TRAPPC12: variants seen among roughly 807,000 people sequenced by gnomAD.
TRAPPC12 encodes the protein TPR repeat protein 15.
TRAPPC12 carries 61 observed loss-of-function variants against 69.2 expected under a neutral mutation model. The ratio of observed to expected loss-of-function variants is 0.88; its 90% CI spans 0.72 to 1.09. The LOEUF is 1.09. Ranked by LOEUF, TRAPPC12 falls within the 50% of genes least tolerant of loss-of-function variation. The pLI, the probability that TRAPPC12 is intolerant of heterozygous loss-of-function variation, is 0.00. For synonymous variants in TRAPPC12, 469 were observed against 438.9 expected (o/e 1.07, Z -0.86); for missense variants, 1,101 against 1,016.4 (o/e 1.08, Z -1.13).
chr2:3,424,848 G>A (rs1202435617), intron 5 of TRAPPC12, among the ~76,000 whole-genome samples, 185 bp downstream of exon 5: 1 of 152,232 alleles, frequency 6.6e-6, no homozygotes, highest in Non-Finnish European at 1.5e-5. Flanking sequence ...ACACTGACCT[G>A]GAGGTGCTCC....
chr2:3,432,924 A>G (rs955930644), intron 5 of TRAPPC12, among the ~76,000 whole-genome samples: 9 of 152,252 alleles, frequency 5.9e-5, no homozygotes, highest in African/African-American at 2.2e-4. Context: ...GTACAGAGGC[A>G]GTGACCCAAG....
intron 5 of TRAPPC12, among the ~76,000 whole-genome samples, chr2:3,428,580 T>C (rs1357961029): frequency 6.6e-6 from 1 of 152,272 alleles, no homozygotes; most frequent in Non-Finnish European, 1.5e-5. Flanking sequence ...GTAAAAATCA[T>C]GAAGGTTTTT....
chr2:3,438,568 ACCCCTGGATTAATCCCCCCATC>A (rs1434767158), intron 5 of TRAPPC12, among the ~76,000 whole-genome samples: 1 of 32,356 alleles, frequency 3.1e-5, no homozygotes, highest in Admixed American at 4.4e-4. Context: ...ATCCCCCCTC[ACCCCTGGATTAATCCCCCCATC>A]CCCCTGGGTT....
chr2:3,454,270 G>A (rs1413683394), intron 6 of TRAPPC12, among the ~76,000 whole-genome samples: 2 of 152,008 alleles, frequency 1.3e-5, no homozygotes, highest in Non-Finnish European at 2.9e-5. Flanking sequence ...CTGGGTAGGT[G>A]GGTCTGGAGG....
At position 3,397,111 on chromosome 2, in the gene TRAPPC12, A is replaced by G. The variant is rs527396826; in HGVS notation, c.1048-4666A>G. Among the ~76,000 whole-genome samples, 26 of 152,334 alleles carry G rather than the reference A, an allele frequency of 1.7e-4. 1 individual carries two copies. The South Asian group carries it at 5.2e-3, about 30-fold the overall frequency. On this transcript the variant is annotated intron_variant, in intron 2 of 11. Transcript: ENST00000324266. The stretch of plus-strand genomic sequence containing the variant: ...TACGGGACACATGTTTTACATGTCT[A>G]GTAATTTTTTATTAGAAGGTGGACA...
chr2:3,443,668 A>G, intron 5 of TRAPPC12, 111 bp from the exon 6 acceptor site: 1 of 775,170 alleles, frequency 1.3e-6, no homozygotes, highest in South Asian at 1.4e-5. Context: ...AAATAAAGGG[A>G]TCTGTCATCA....
In TRAPPC12 at chr2:3,424,511, T is replaced by C. The variant is rs766261997; in HGVS notation, c.1279-14T>C. The C allele has an allele frequency of 1.9e-6, 3 of 1,611,754 alleles. No individual in the cohort carries two copies. Among genetic ancestry groups the C allele is most frequent in the Non-Finnish European group, 2.5e-6 (3 of 1,179,344 alleles). On this transcript the variant is annotated splice_polypyrimidine_tract_variant and intron_variant, in intron 4 of 11. Coordinates refer to ENST00000324266, the MANE Select transcript of TRAPPC12 (RefSeq NM_016030.6). ...TGTAGATAACCTATTGTTTCCATTGTATTTTGTTTTTAGCTCTGGTTTGTC... is the reference window on the plus strand; with the variant it reads ...TGTAGATAACCTATTGTTTCCATTGCATTTTGTTTTTAGCTCTGGTTTGTC...
chr2:3,388,726 T>TA, intron 2 of TRAPPC12, 56 bp downstream of exon 2: 1 of 1,438,236 alleles, frequency 7.0e-7, no homozygotes. Flanking sequence ...GTCTGTGAGA[T>TA]ACGCACAGTG....
At chr2:3,479,005 G>A (rs375197395) in intron 11 of TRAPPC12, 72 bp downstream of exon 11, 39 of 1,521,728 alleles carry the variant, frequency 2.6e-5, no homozygotes, top group Middle Eastern at 1.7e-4. Flanking sequence ...ACCCACACAC[G>A]TCTCAGCAGG....
In TRAPPC12 at chr2:3,388,463, C is replaced by T. The variant is rs753291838; in HGVS notation, c.840C>T (p.Phe280=). 3 of 1,611,818 alleles carry T rather than the reference C, an allele frequency of 1.9e-6. No individual in the cohort carries two copies. Among genetic ancestry groups the T allele is most frequent in the Non-Finnish European group, 2.5e-6 (3 of 1,179,402 alleles). The change falls in exon 2 of 12, where the codon TTC becomes TTT. Residue 280 remains phenylalanine (F), a synonymous_variant. Transcript: ENST00000324266. ...CGCCCCCGGCGTCGCCAGAGCCTTT[C>T]GCGCACATCCAGGCAGTGTTTGCAG... ...AAAPPASPEP[F]AHIQAVFAGS...
chr2:3,399,767 CT>C (rs1661322520), intron 2 of TRAPPC12, among the ~76,000 whole-genome samples: 1 of 152,170 alleles, frequency 6.6e-6, no homozygotes, highest in Admixed American at 6.5e-5. Flanking sequence ...AATAACCTTG[CT>C]TCTTAGGAGA....
At chr2:3,407,803 G>GA (rs977099217) in intron 3 of TRAPPC12, among the ~76,000 whole-genome samples, 6 of 150,624 alleles carry the variant, frequency 4.0e-5, no homozygotes, top group Middle Eastern at 6.8e-3. Flanking sequence ...TTCAAAAAAA[G>GA]AAAAAAAAGA....
At chr2:3,422,187 C>T (rs1662838546) in intron 4 of TRAPPC12, among the ~76,000 whole-genome samples, 193 bp downstream of exon 4, 2 of 152,320 alleles carry the variant, frequency 1.3e-5, no homozygotes, top group Middle Eastern at 6.8e-3. Context: ...TGCCTGTGCG[C>T]CCCAGAAGCA....
intron 1 of TRAPPC12, among the ~76,000 whole-genome samples, chr2:3,381,446 T>C (rs1024328226): frequency 6.6e-6 from 1 of 152,236 alleles, no homozygotes; most frequent in African/African-American, 2.4e-5. Context: ...AAACAATTAA[T>C]TAATCACATT....
At chr2:3,382,946 A>AT (rs1660292961) in intron 1 of TRAPPC12, among the ~76,000 whole-genome samples, 1 of 152,194 alleles carries the variant, frequency 6.6e-6, no homozygotes, top group African/African-American at 2.4e-5. Context: ...ATACTAATAA[A>AT]ATAATAGAAA....
At chr2:3,385,699 G>A (rs1412000162) in intron 1 of TRAPPC12, among the ~76,000 whole-genome samples, 2 of 152,236 alleles carry the variant, frequency 1.3e-5, no homozygotes, top group Non-Finnish European at 2.9e-5. Context: ...GGGTAGATGA[G>A]ACGGAGGGAA....
At chr2:3,448,365 C>A (rs1664631579) in intron 6 of TRAPPC12, among the ~76,000 whole-genome samples, 1 of 152,158 alleles carries the variant, frequency 6.6e-6, no homozygotes, top group Non-Finnish European at 1.5e-5. Flanking sequence ...AAAGCAGGGG[C>A]TCTAAAGTTT....
At chr2:3,407,608 C>A (rs1558356806) in intron 3 of TRAPPC12, among the ~76,000 whole-genome samples, 1 of 152,044 alleles carries the variant, frequency 6.6e-6, no homozygotes, top group Non-Finnish European at 1.5e-5. Flanking sequence ...CGAGACCATC[C>A]TGGCTAACAC....
In TRAPPC12 at chr2:3,414,120, T is replaced by C. The variant is rs558936700; in HGVS notation, c.1165-7761T>C. 8.1e-4 allele frequency among the ~76,000 whole-genome samples: 124 copies of C among 152,342 alleles called. No individual in the cohort carries two copies. The highest frequency in any genetic ancestry group is 8.1e-3 in the South Asian group (39 of 4,832). Reference sequence around the variant, plus strand: ...AGGTACCCCTCACACATTTTTAAGCTATCTAAAATGTTTTATCATAAATTT... The same window carrying C: ...AGGTACCCCTCACACATTTTTAAGCCATCTAAAATGTTTTATCATAAATTT... On this transcript the variant is annotated intron_variant, in intron 3 of 11. Coordinates refer to ENST00000324266, the MANE Select transcript of TRAPPC12 (RefSeq NM_016030.6). The surrounding 1 kb of genome is among the most constrained non-coding windows in gnomAD (Gnocchi z 4.9).
Sources: allele counts gnomAD v4.1 joint callset (sites outside exome capture counted in the v4.1 genomes callset), GRCh38; gene constraint gnomAD v4.1.1; non-coding constraint Gnocchi (gnomAD v3.1); transcripts MANE v1.5; gene names NCBI Gene and HGNC (gene_info 2026-07-23, HGNC 2026-07-21).